The following DLG2 variants were observed in gnomAD, a reference collection of about 807,000 sequenced individuals.
DLG2 encodes discs large MAGUK scaffold protein 2, also known as disks large homolog 2.
DLG2 carries 45 observed loss-of-function variants against 132.5 expected under a neutral mutation model. The ratio of observed to expected loss-of-function variants is 0.34; its 90% CI spans 0.27 to 0.44. The LOEUF is 0.44. Ranked by LOEUF, DLG2 falls within the 20% of genes least tolerant of loss-of-function variation. DLG2 has a pLI of 1.00. For missense variants in DLG2, 1,045 were observed against 1,196.9 expected, an observed-to-expected ratio of 0.87 and a Z score of 1.87; for synonymous variants, 424 against 419.6, an observed-to-expected ratio of 1.01 and a Z score of -0.13.
intron 15 of DLG2, among the ~76,000 whole-genome samples, chr11:83,914,947 C>A (rs765385319): frequency 1.4e-4 from 22 of 151,778 alleles, no homozygotes; most frequent in Non-Finnish European, 2.6e-4. Context: ...GGTGGGTGTG[C>A]AGAGTAGGAA....
intron 11 of DLG2, among the ~76,000 whole-genome samples, chr11:83,986,249 C>T (rs1384971767): frequency 2.0e-5 from 3 of 149,964 alleles, no homozygotes; most frequent in Non-Finnish European, 4.4e-5. Flanking sequence ...GTGATGTTCC[C>T]CTTCCTGTGT....
At chr11:84,347,176 G>C (rs1422500638) in intron 7 of DLG2, among the ~76,000 whole-genome samples, 1 of 152,092 alleles carries the variant, frequency 6.6e-6, no homozygotes, top group Non-Finnish European at 1.5e-5. Flanking sequence ...CAGAAGCTTG[G>C]CAGTAATTGG....
At chr11:85,585,469 A>G (rs1176802541) in intron 3 of DLG2, among the ~76,000 whole-genome samples, 2 of 152,130 alleles carry the variant, frequency 1.3e-5, no homozygotes, top group Non-Finnish European at 2.9e-5. Flanking sequence ...AAGTGGTGGA[A>G]ATGGGCATCC....
chr11:84,080,695 G>T (rs1158273664), intron 10 of DLG2, among the ~76,000 whole-genome samples: 1 of 152,002 alleles, frequency 6.6e-6, no homozygotes, highest in South Asian at 2.1e-4. Flanking sequence ...TTTTCTGAAA[G>T]AAAGCATTGC....
chr11:84,884,013 T>G (rs2087806509), intron 6 of DLG2, among the ~76,000 whole-genome samples: 1 of 152,128 alleles, frequency 6.6e-6, no homozygotes, highest in African/African-American at 2.4e-5. Context: ...AGAGAATTGT[T>G]TAACTTCTTC....
intron 21 of DLG2, among the ~76,000 whole-genome samples, chr11:83,486,997 T>A (rs1034673809): frequency 2.0e-5 from 3 of 152,034 alleles, no homozygotes; most frequent in Admixed American, 6.6e-5. Flanking sequence ...TCTTTTAATA[T>A]AGAAAATGAA....
At chr11:85,176,443 C>T (rs570147968) in intron 4 of DLG2, among the ~76,000 whole-genome samples, 3 of 152,242 alleles carry the variant, frequency 2.0e-5, no homozygotes, top group African/African-American at 7.2e-5. Flanking sequence ...CATTTCCTTA[C>T]ACAATATACA....
chr11:85,497,945 G>C (rs535091041), intron 3 of DLG2, among the ~76,000 whole-genome samples: 1 of 152,176 alleles, frequency 6.6e-6, no homozygotes, highest in Non-Finnish European at 1.5e-5. Flanking sequence ...AACATGGATA[G>C]GAACAACTGG....
At position 84,092,900 on chromosome 11, in the gene DLG2, G is replaced by A. The variant is rs2097113409; in HGVS notation, c.749+6023C>T. ...AAAATACAAAAATTAGCTGGGTGTG[G>A]TGGCGGGCACCTGCAGTCCCAGCTA... On this transcript the variant is annotated intron_variant, in intron 10 of 27. Coordinates refer to ENST00000376104, the MANE Select transcript of DLG2 (RefSeq NM_001142699.3). 2.6e-5 allele frequency among the ~76,000 whole-genome samples: 4 copies of A among 151,998 alleles called. No homozygotes were observed. In the South Asian group the frequency reaches 8.3e-4, roughly 31 times the overall value.
intron 12 of DLG2, among the ~76,000 whole-genome samples, chr11:83,968,300 GGAGAGAATT>G: frequency 6.6e-6 from 1 of 152,286 alleles, no homozygotes; most frequent in East Asian, 1.9e-4. Flanking sequence ...CTGTGGAACT[GGAGAGAATT>G]GAACCTGACT....
chr11:83,769,184 G>A (rs1566893547), intron 18 of DLG2, among the ~76,000 whole-genome samples: 1 of 151,384 alleles, frequency 6.6e-6, no homozygotes, highest in Non-Finnish European at 1.5e-5. Context: ...ATGGTGTAGA[G>A]CAAAACCTCT....
intron 17 of DLG2, among the ~76,000 whole-genome samples, chr11:83,824,832 T>C (rs959440424): frequency 8.5e-5 from 13 of 152,100 alleles, no homozygotes; most frequent in African/African-American, 3.1e-4. Flanking sequence ...TGAGTAGTGA[T>C]ATTGTGAGTC....
intron 7 of DLG2, among the ~76,000 whole-genome samples, chr11:84,516,963 C>T (rs1357663377): frequency 1.4e-5 from 2 of 140,170 alleles, no homozygotes; most frequent in Admixed American, 7.3e-5. Flanking sequence ...GGAAAAGATT[C>T]GCATGTACCC....
At chr11:84,018,711 G>A (rs540134024) in intron 11 of DLG2, among the ~76,000 whole-genome samples, 2 of 151,676 alleles carry the variant, frequency 1.3e-5, no homozygotes, top group Non-Finnish European at 2.9e-5. Context: ...TATATTATGG[G>A]TATACATTAG....
chr11:84,972,948 G>A lies in DLG2; in HGVS notation c.357+138713C>T, dbSNP rs554921979. ...TGGCCAATCTAAGCCTCAGTTTTTT[G>A]GGTTTTTTTTTTTTTCTTTTTTTTT... On this transcript the variant is annotated intron_variant, in intron 6 of 27. Transcript: ENST00000376104. Among the ~76,000 whole-genome samples, 961 of 143,940 alleles carry A rather than the reference G, an allele frequency of 6.7e-3. 12 individuals are homozygous for A. Among genetic ancestry groups the A allele is most frequent in the African/African-American group, 0.024 (917 of 38,204 alleles). 94.4% of individuals were successfully genotyped at this position (143,940 alleles called of 152,430 possible). A position where few individuals can be genotyped will look rare whatever the true frequency, so the allele number is the denominator to read the frequency against.
chr11:84,897,470 G>T (rs572467431), intron 6 of DLG2, among the ~76,000 whole-genome samples: 1 of 151,926 alleles, frequency 6.6e-6, no homozygotes, highest in Non-Finnish European at 1.5e-5. Context: ...ATTCTCCCAA[G>T]TAATTTCCTA....
intron 7 of DLG2, among the ~76,000 whole-genome samples, chr11:84,425,485 TAC>T (rs1191020490): frequency 6.6e-6 from 1 of 152,170 alleles, no homozygotes; most frequent in Non-Finnish European, 1.5e-5. Context: ...AGGAAATTCT[TAC>T]TTGTGTATTA....
chr11:84,608,790 A>T (rs1361926279), intron 6 of DLG2, among the ~76,000 whole-genome samples: 1 of 152,186 alleles, frequency 6.6e-6, no homozygotes, highest in Non-Finnish European at 1.5e-5. Context: ...CAAACTACAA[A>T]CAATTAAACA....
intron 2 of DLG2, among the ~76,000 whole-genome samples, chr11:85,617,508 G>A (rs1454933256): frequency 1.3e-5 from 2 of 152,178 alleles, no homozygotes; most frequent in Non-Finnish European, 2.9e-5. Context: ...GATTCATACA[G>A]GCAGAGATTG....
Sources: allele counts gnomAD v4.1 joint callset (sites outside exome capture counted in the v4.1 genomes callset), GRCh38; gene constraint gnomAD v4.1.1; transcripts MANE v1.5; gene names NCBI Gene and HGNC (gene_info 2026-07-23, HGNC 2026-07-21).